The following MAGI2 variants were observed in gnomAD, a reference collection of about 807,000 sequenced individuals.
MAGI2 encodes the protein membrane-associated guanylate kinase, WW and PDZ domain-containing protein 2.
Under a neutral mutation model 133.3 loss-of-function variants are expected in MAGI2, and 35 were observed. The observed-to-expected ratio is 0.26, with a 90% CI of 0.20 to 0.35. The LOEUF (loss-of-function observed/expected upper bound fraction) is 0.35. MAGI2 is among the 10% of genes least tolerant of loss of function. The probability of loss-of-function intolerance (pLI) is 1.00; values close to 1 mark genes in which losing one functional copy is unlikely to be tolerated. For synonymous variants in MAGI2, 729 were observed against 710.6 expected (o/e 1.03, Z -0.41); for missense variants, 1,636 against 1,863.4 (o/e 0.88, Z 2.25).
In MAGI2 at chr7:78,728,186, T is replaced by G. The variant is rs531929978; in HGVS notation, c.419-100947A>C. On this transcript the variant is annotated intron_variant, in intron 2 of 21. Transcript: ENST00000354212. Reference sequence around the variant, plus strand: ...AGGATGTTCATTCCCTGCGAGGTTATGGTAACAGTGGGTGATGATAACTGA... The same window carrying G: ...AGGATGTTCATTCCCTGCGAGGTTAGGGTAACAGTGGGTGATGATAACTGA... Among the ~76,000 whole-genome samples, 5 of 152,320 alleles carry G rather than the reference T, an allele frequency of 3.3e-5. No homozygotes were observed. The South Asian group carries it at 1.0e-3, about 32-fold the overall frequency.
rs1809972489 is a variant in MAGI2, at chr7:78,034,610, C to T, written c.3707-14634G>A. Among the ~76,000 whole-genome samples, 3 of 152,060 alleles carry T rather than the reference C, an allele frequency of 2.0e-5. 1 individual carries two copies. Among genetic ancestry groups the T allele is most frequent in the South Asian group, 4.2e-4 (2 of 4,812 alleles). On this transcript the variant is annotated intron_variant, in intron 21 of 21. Transcript: ENST00000354212. ...TAGCGTGATCTTGCCTCACTGCAAC[C>T]TCTGCCTCCCGGGTTCAAGCAGTTC...
At chr7:79,193,030 CA>C (rs1044641870) in intron 1 of MAGI2, among the ~76,000 whole-genome samples, 2 of 151,804 alleles carry the variant, frequency 1.3e-5, no homozygotes, top group Admixed American at 1.3e-4. Context: ...TGTAAAATCT[CA>C]AACTCCTTCT....
chr7:78,879,159 A>C (rs867918180), intron 2 of MAGI2, among the ~76,000 whole-genome samples: 14 of 152,098 alleles, frequency 9.2e-5, no homozygotes, highest in South Asian at 8.3e-4. Flanking sequence ...CACCCACTGG[A>C]GCCCCCATTG....
At chr7:78,823,602 A>G (rs13221034) in intron 2 of MAGI2, among the ~76,000 whole-genome samples, 1 of 146,266 alleles carries the variant, frequency 6.8e-6, no homozygotes. Flanking sequence ...AAAAAAAAAA[A>G]GAAATACGAC....
chr7:78,594,148 C>A (rs904198293), intron 3 of MAGI2, among the ~76,000 whole-genome samples: 1 of 152,186 alleles, frequency 6.6e-6, no homozygotes, highest in Non-Finnish European at 1.5e-5. Flanking sequence ...CTCTTTGATA[C>A]TCCTCAGAAT....
intron 20 of MAGI2, among the ~76,000 whole-genome samples, chr7:78,083,388 GAGAGAGAGAGAGAGAGA>G (rs1816241406): frequency 1.0e-4 from 1 of 9,808 alleles, no homozygotes; most frequent in Non-Finnish European, 2.2e-4. Context: ...GGGAGGGGGG[GAGAGAGAGAGAGAGAGA>G]GAGAGAGAGA....
chr7:79,067,319 C>T (rs957565027), intron 1 of MAGI2, among the ~76,000 whole-genome samples: 2 of 152,160 alleles, frequency 1.3e-5, no homozygotes, highest in African/African-American at 4.8e-5. Context: ...AGGTCCTTTA[C>T]ATCCCTTGTA....
chr7:78,266,931 A>G (rs1175570882), intron 9 of MAGI2, among the ~76,000 whole-genome samples: 1 of 152,140 alleles, frequency 6.6e-6, no homozygotes, highest in Non-Finnish European at 1.5e-5. Flanking sequence ...GCTTTCTTGA[A>G]TTGCTTTTGA....
At chr7:78,314,642 G>T (rs1017227871) in intron 9 of MAGI2, among the ~76,000 whole-genome samples, 1 of 152,134 alleles carries the variant, frequency 6.6e-6, no homozygotes, top group African/African-American at 2.4e-5. Context: ...CCTCTGAGTT[G>T]ATTGTTTTTC....
chr7:79,078,765 TA>T lies in MAGI2; in HGVS notation c.302-71560del, dbSNP rs538399970. On this transcript the variant is annotated intron_variant, in intron 1 of 21. Transcript: ENST00000354212. ...GGAAATACACCAATAAACACATTTT[TA>T]AAAACTTATTGTATTTGTCATCAAC... Among the ~76,000 whole-genome samples the T allele has an allele frequency of 3.7e-3, 569 of 152,292 alleles. 4 individuals carry two copies. The highest frequency in any genetic ancestry group is 0.012 in the African/African-American group (508 of 41,566).
chr7:78,876,607 T>C (rs895117413), intron 2 of MAGI2, among the ~76,000 whole-genome samples: 3 of 152,068 alleles, frequency 2.0e-5, no homozygotes, highest in Non-Finnish European at 2.9e-5. Context: ...GGAAGGGATA[T>C]GAATGTTGAA....
Position 78,158,985 on chromosome 7 carries a change from C to G in MAGI2, c.2845+1040G>C, listed in dbSNP as rs191839483. Among the ~76,000 whole-genome samples, 101 of 152,188 alleles carry G rather than the reference C, an allele frequency of 6.6e-4. 1 individual carries two copies. Among genetic ancestry groups the G allele is most frequent in the Non-Finnish European group, 2.6e-4 (18 of 67,996 alleles). On this transcript the variant is annotated intron_variant, in intron 16 of 21. Coordinates refer to ENST00000354212, the MANE Select transcript of MAGI2 (RefSeq NM_012301.4). ...CCAGGTCTGCCATCCCACCCAGGAA[C>G]AGAAGACAGCAAGAAAACCACACTT...
chr7:78,187,685 T>C (rs2150714358), intron 12 of MAGI2, among the ~76,000 whole-genome samples: 1 of 152,322 alleles, frequency 6.6e-6, no homozygotes, highest in East Asian at 1.9e-4. Context: ...TGTTATTTTT[T>C]AAGAACTTTC....
chr7:78,331,407 A>G (rs556358768), intron 9 of MAGI2, among the ~76,000 whole-genome samples: 1 of 152,376 alleles, frequency 6.6e-6, no homozygotes, highest in African/African-American at 2.4e-5. Flanking sequence ...CAGTCCAGAT[A>G]GCAGAATCCG....
At chr7:79,103,383 C>A (rs537165896) in intron 1 of MAGI2, among the ~76,000 whole-genome samples, 1 of 152,218 alleles carries the variant, frequency 6.6e-6, no homozygotes, top group South Asian at 2.1e-4. Context: ...ATACACTGGG[C>A]TTTCCACTGA....
intron 1 of MAGI2, among the ~76,000 whole-genome samples, chr7:79,248,708 C>A (rs1832994627): frequency 6.6e-6 from 1 of 151,706 alleles, no homozygotes; most frequent in Non-Finnish European, 1.5e-5. Flanking sequence ...AAATCAATGA[C>A]AAGAGGAATT....
At chr7:78,863,015 A>T (rs1183998044) in intron 2 of MAGI2, among the ~76,000 whole-genome samples, 3 of 152,260 alleles carry the variant, frequency 2.0e-5, no homozygotes, top group Non-Finnish European at 4.4e-5. Flanking sequence ...GAGTATTGAA[A>T]ATCTCAGCCT....
chr7:78,850,297 T>C (rs578326), intron 2 of MAGI2, among the ~76,000 whole-genome samples: 95,361 of 151,930 alleles, frequency 0.63, 30,906 homozygotes, highest in East Asian at 0.73. Flanking sequence ...CAGTCTAAAG[T>C]CCATGTTTTT....
At chr7:78,700,287 T>C (rs1817934225) in intron 2 of MAGI2, among the ~76,000 whole-genome samples, 1 of 152,168 alleles carries the variant, frequency 6.6e-6, no homozygotes, top group Admixed American at 6.5e-5. Flanking sequence ...TGTTTGCCCA[T>C]TGGAATTGTT....
Sources: allele counts gnomAD v4.1 joint callset (sites outside exome capture counted in the v4.1 genomes callset), GRCh38; gene constraint gnomAD v4.1.1; transcripts MANE v1.5; gene names NCBI Gene and HGNC (gene_info 2026-07-23, HGNC 2026-07-21).